SLAIN2: variants seen among roughly 807,000 people sequenced by gnomAD.
SLAIN2 encodes the protein SLAIN motif-containing protein 2.
A neutral mutation model predicts 56.6 loss-of-function variants in SLAIN2; 31 were observed. The ratio of observed to expected loss-of-function variants is 0.55; its 90% CI spans 0.41 to 0.74. SLAIN2 has a LOEUF of 0.74. Among genes scored for constraint, SLAIN2 ranks in the 30% least tolerant of loss-of-function variants. The pLI is 0.00. For synonymous variants in SLAIN2, 317 were observed against 284.9 expected (o/e 1.11, Z -1.13); for missense variants, 777 against 754.2 (o/e 1.03, Z -0.35).
intron 2 of SLAIN2, among the ~76,000 whole-genome samples, chr4:48,375,601 A>G (rs1715791144): frequency 6.6e-6 from 1 of 152,092 alleles, no homozygotes; most frequent in African/African-American, 2.4e-5. Context: ...AGATCATATC[A>G]TATGCTTGAT....
At chr4:48,397,109 G>A (rs1716419517) in intron 6 of SLAIN2, among the ~76,000 whole-genome samples, 1 of 152,138 alleles carries the variant, frequency 6.6e-6, no homozygotes, top group Non-Finnish European at 1.5e-5. Flanking sequence ...CTGTTGTTGG[G>A]CACTGAGTGA....
intron 2 of SLAIN2, among the ~76,000 whole-genome samples, chr4:48,376,906 C>T (rs1295506319): frequency 2.2e-4 from 31 of 142,118 alleles, no homozygotes; most frequent in African/African-American, 6.2e-4. Flanking sequence ...CCACCGCGCC[C>T]GGCCGACTTT....
chr4:48,412,388 AC>A (rs1351171155), intron 6 of SLAIN2, among the ~76,000 whole-genome samples: 4 of 90,310 alleles, frequency 4.4e-5, no homozygotes, highest in African/African-American at 1.3e-4. Context: ...ACACACACAC[AC>A]ACACACACAC....
chr4:48,371,079 C>CTTTTGTTTTTGTT (rs942644592), intron 2 of SLAIN2, among the ~76,000 whole-genome samples: 12 of 150,646 alleles, frequency 8.0e-5, no homozygotes, highest in Admixed American at 1.3e-4. Context: ...AAAAGAAGCC[C>CTTTTGTTTTTGTT]TTTTGTTTTT....
chr4:48,374,582 A>G (rs1334670573), intron 2 of SLAIN2, among the ~76,000 whole-genome samples: 1 of 152,108 alleles, frequency 6.6e-6, no homozygotes, highest in Non-Finnish European at 1.5e-5. Context: ...AAAAATATCG[A>G]AGGGTTTTCT....
Position 48,379,705 on chromosome 4 carries a change from C to G in SLAIN2, c.719C>G (p.Ser240Ter). The change falls in exon 4 of 8, where the codon TCA (serine) becomes TGA (stop). Residue 240 changes from serine to a stop codon, truncating the protein, a stop_gained. Coordinates refer to ENST00000264313, the MANE Select transcript of SLAIN2 (RefSeq NM_020846.2). LOFTEE classifies it high-confidence loss of function. ...TTTTTTTAAGGTAACTTGAAAAGCT[C>G]AGACAGAAATCCTCCACTCAGTCCT... ...LPGNSGNLKS[S>*]DRNPPLSPQS... The G allele has an allele frequency of 7.0e-7, 1 of 1,434,498 alleles. No individual in the cohort carries two copies. The highest frequency in any genetic ancestry group is 9.2e-7 in the Non-Finnish European group (1 of 1,090,798). 88.9% of individuals were successfully genotyped at this position (1,434,498 alleles called of 1,614,324 possible). A position where few individuals can be genotyped will look rare whatever the true frequency, so the allele number is the denominator to read the frequency against.
chr4:48,421,325 CT>C (rs1402603825), intron 7 of SLAIN2, among the ~76,000 whole-genome samples: 4 of 152,206 alleles, frequency 2.6e-5, no homozygotes, highest in Admixed American at 2.0e-4. Context: ...TTTGCGTAAT[CT>C]TCAGATGATT....
At chr4:48,362,746 T>TTA (rs1553902291) in intron 1 of SLAIN2, among the ~76,000 whole-genome samples, 327 of 126,460 alleles carry the variant, frequency 2.6e-3, no homozygotes, top group Non-Finnish European at 4.3e-3. Flanking sequence ...TTTTTTTTTT[T>TTA]ATTCTTTTTT....
At chr4:48,384,681 C>G (rs555642877) in intron 6 of SLAIN2, among the ~76,000 whole-genome samples, 10 of 152,184 alleles carry the variant, frequency 6.6e-5, no homozygotes, top group African/African-American at 2.4e-4. Context: ...GTTACTAACC[C>G]ATGAATGTGA....
chr4:48,401,604 C>T (rs1716558966), intron 6 of SLAIN2, among the ~76,000 whole-genome samples: 1 of 152,134 alleles, frequency 6.6e-6, no homozygotes, highest in African/African-American at 2.4e-5. Flanking sequence ...GCAACCCCTG[C>T]TTTTTTCTGT....
chr4:48,353,036 C>T (rs1006127405), intron 1 of SLAIN2, among the ~76,000 whole-genome samples: 1 of 152,194 alleles, frequency 6.6e-6, no homozygotes, highest in Non-Finnish European at 1.5e-5. Context: ...ATGTGACTTG[C>T]TCCTGCTTGC....
chr4:48,362,750 C>CTTTTTTTTTTTTTTTTATT (rs1715366907), intron 1 of SLAIN2, among the ~76,000 whole-genome samples: 1 of 93,252 alleles, frequency 1.1e-5, no homozygotes, highest in African/African-American at 4.1e-5. Context: ...TTTTTTTATT[C>CTTTTTTTTTTTTTTTTATT]TTTTTTTTTT....
Position 48,420,140 on chromosome 4 carries a change from A to G in SLAIN2, c.1376A>G (p.Lys459Arg). 1 of 1,613,738 alleles carries G rather than the reference A, an allele frequency of 6.2e-7. No individual in the cohort carries two copies. Among genetic ancestry groups the G allele is most frequent in the Non-Finnish European group, 8.5e-7 (1 of 1,179,718 alleles). ...CATCCCACAGTACCTTCTCCAGGCA[A>G]ATTCCGTTCCCCTGCAGCACCATCT... ...PQASAIPSPG[K>R]FRSPAAPSPL... Residue 459 changes from lysine to arginine, a missense_variant, in exon 7 of 8, where the codon AAA becomes AGA. Lys to Arg is a conservative substitution (Grantham distance 26). Coordinates refer to ENST00000264313, the MANE Select transcript of SLAIN2 (RefSeq NM_020846.2).
chr4:48,350,093 A>C (rs868436720), intron 1 of SLAIN2, among the ~76,000 whole-genome samples: 1 of 152,256 alleles, frequency 6.6e-6, no homozygotes, highest in Non-Finnish European at 1.5e-5. Flanking sequence ...CATTTATCAG[A>C]TCTACCTAAA....
chr4:48,377,218 T>A (rs1715842568), intron 2 of SLAIN2, among the ~76,000 whole-genome samples: 2 of 151,870 alleles, frequency 1.3e-5, no homozygotes, highest in Admixed American at 6.6e-5. Context: ...AGTCTCACTC[T>A]GTCGCCCAGG....
At chr4:48,400,260 A>G (rs914997116) in intron 6 of SLAIN2, among the ~76,000 whole-genome samples, 28 of 150,348 alleles carry the variant, frequency 1.9e-4, no homozygotes, top group Admixed American at 6.6e-5. Context: ...GAATTTATCT[A>G]TTTCTTCTAG....
rs183179114 is a variant in SLAIN2 at position 48,398,318 on chromosome 4, C to A, written c.1360+14534C>A. 2.0e-4 allele frequency among the ~76,000 whole-genome samples: 31 copies of A among 152,124 alleles called. 1 individual carries two copies. The East Asian group carries it at 5.0e-3, about 25-fold the overall frequency. Reference sequence around the variant, plus strand: ...ATTTTGAGAAGTGTCTGTTTATGTTCTTTGCCTACTTTTTAATAGGGTTGT... The same window carrying A: ...ATTTTGAGAAGTGTCTGTTTATGTTATTTGCCTACTTTTTAATAGGGTTGT... On this transcript the variant is annotated intron_variant, in intron 6 of 7. Coordinates refer to ENST00000264313, the MANE Select transcript of SLAIN2 (RefSeq NM_020846.2).
Position 48,425,682 on chromosome 4 carries a change from A to G in SLAIN2, c.*3605A>G, listed in dbSNP as rs1437283619. 2 of 152,184 alleles carry G rather than the reference A, an allele frequency of 1.3e-5. No homozygotes were observed. Among genetic ancestry groups the G allele is most frequent in the Non-Finnish European group, 2.9e-5 (2 of 67,998 alleles). 9.4% of individuals were successfully genotyped at this position (152,184 alleles called of 1,614,324 possible). On this transcript the variant is annotated 3_prime_UTR_variant, in exon 8 of 8. Transcript: ENST00000264313. ...GAAGAGCCATTTAAAATTAAATGTC[A>G]CTATACTTGTATTATAAATCAATAC... is the stretch of plus-strand genomic sequence containing the variant.
At chr4:48,412,407 C>T (rs756131406) in intron 6 of SLAIN2, among the ~76,000 whole-genome samples, 5 of 63,084 alleles carry the variant, frequency 7.9e-5, no homozygotes, top group Non-Finnish European at 1.5e-4. Flanking sequence ...CACACACACA[C>T]ACACACACAT....
Sources: allele counts gnomAD v4.1 joint callset (sites outside exome capture counted in the v4.1 genomes callset), GRCh38; gene constraint gnomAD v4.1.1; transcripts MANE v1.5; gene names NCBI Gene and HGNC (gene_info 2026-07-23, HGNC 2026-07-21).